Variants in CHD2 observed in about 807,000 individuals in gnomAD.
CHD2 encodes ATP-dependent chromatin remodeler CHD2.
A neutral mutation model predicts 243.9 loss-of-function variants in CHD2; 28 were observed. The ratio of observed to expected loss-of-function variants is 0.11; its 90% CI spans 0.09 to 0.16. The LOEUF (loss-of-function observed/expected upper bound fraction) is 0.16, where lower values mean the gene tolerates loss of function less well. CHD2 is among the 10% of genes least tolerant of loss of function. The pLI is 1.00. For synonymous variants in CHD2, 775 were observed against 779.0 expected (o/e 0.99, Z 0.09); for missense variants, 1,386 against 2,209.8 (o/e 0.63, Z 7.47).
chr15:92,973,821 A>T (rs1418161499), intron 19 of CHD2, among the ~76,000 whole-genome samples: 1 of 152,202 alleles, frequency 6.6e-6, no homozygotes, highest in Non-Finnish European at 1.5e-5. Flanking sequence ...CCCTCTACTA[A>T]TGGGAATATT....
intron 3 of CHD2, 116 bp from the exon 4 acceptor site, chr15:92,927,128 G>A (rs879611523): frequency 9.4e-6 from 7 of 743,680 alleles, no homozygotes; most frequent in South Asian, 1.8e-5. Flanking sequence ...AATAGAACTA[G>A]CAAAACAACC....
intron 15 of CHD2, among the ~76,000 whole-genome samples, 197 bp downstream of exon 15, chr15:92,955,709 C>A (rs909846442): frequency 1.3e-5 from 2 of 152,026 alleles, no homozygotes; most frequent in Non-Finnish European, 2.9e-5. Context: ...AAATGAACAA[C>A]CAGAAAAATT....
chr15:93,019,436 T>G (rs919250807), intron 37 of CHD2, among the ~76,000 whole-genome samples: 5 of 152,304 alleles, frequency 3.3e-5, no homozygotes, highest in African/African-American at 1.2e-4. Context: ...AAATTTTGCC[T>G]TAAAATTTTG....
At chr15:93,021,067 G>A (rs1567167412) in intron 38 of CHD2, 1 of 152,184 alleles carries the variant, frequency 6.6e-6, no homozygotes, top group African/African-American at 2.4e-5. Flanking sequence ...TCTATTTGAT[G>A]TCACTTTCCT....
chr15:93,024,302 T>C, intron 38 of CHD2, 70 bp from the exon 39 acceptor site: 1 of 1,373,334 alleles, frequency 7.3e-7, no homozygotes, highest in Non-Finnish European at 1.0e-6. Context: ...AAGAGCCAAG[T>C]GGGTAGTGAA....
chr15:92,986,730 G>T (rs2054047968), intron 26 of CHD2, among the ~76,000 whole-genome samples: 1 of 152,048 alleles, frequency 6.6e-6, no homozygotes, highest in South Asian at 2.1e-4. Flanking sequence ...TATAGTTGTG[G>T]TTATTTTGGT....
chr15:92,946,299 T>A, intron 12 of CHD2, 83 bp downstream of exon 12: 1 of 1,109,578 alleles, frequency 9.0e-7, no homozygotes, highest in Non-Finnish European at 1.2e-6. Flanking sequence ...TGAGAAAATA[T>A]TACAAAATGA....
intron 5 of CHD2, among the ~76,000 whole-genome samples, chr15:92,936,234 G>C (rs1308125207): frequency 6.6e-6 from 1 of 152,164 alleles, no homozygotes; most frequent in Non-Finnish European, 1.5e-5. Flanking sequence ...CTTTCAATAA[G>C]CTTTCACCAT....
rs140718658 is a variant in CHD2 at position 93,018,761 on chromosome 15, T to TTGCATAGCCTTCTCCTA, written c.4907-1240_4907-1224dup. 3.1e-3 allele frequency among the ~76,000 whole-genome samples: 470 copies of TTGCATAGCCTTCTCCTA among 152,352 alleles called. 1 individual carries two copies. Among genetic ancestry groups the TTGCATAGCCTTCTCCTA allele is most frequent in the Middle Eastern group, 6.8e-3 (2 of 294 alleles). ...CTCACGCCGATTTCTGCCTCCATCT[T>TTGCATAGCCTTCTCCTA]TGCATAGCCTTCTCCTATGCATAGC... On this transcript the variant is annotated intron_variant, in intron 37 of 38. Coordinates refer to ENST00000394196, the MANE Select transcript of CHD2 (RefSeq NM_001271.4).
chr15:92,916,980 G>A (rs2052851046), intron 2 of CHD2, among the ~76,000 whole-genome samples: 1 of 152,186 alleles, frequency 6.6e-6, no homozygotes, highest in Non-Finnish European at 1.5e-5. Context: ...CAGAGGTTTA[G>A]TTATTTTTAA....
Position 93,020,204 on chromosome 15 carries a change from A to G in CHD2, c.5099A>G (p.Tyr1700Cys). The G allele has an allele frequency of 1.2e-6, 2 of 1,614,174 alleles. No homozygotes were observed. The highest frequency in any genetic ancestry group is 2.2e-5 in the South Asian group (2 of 91,076). The change falls in exon 38 of 39, where the codon TAT (tyrosine) becomes TGT (cysteine). Residue 1700 changes from tyrosine (Y) to cysteine (C), a missense_variant. By Grantham distance (194) the Tyr-to-Cys change is radical. This residue lies in a region of CHD2 where 347 missense variants were observed against 341.6 expected (regional missense o/e 1.02). Coordinates refer to ENST00000394196, the MANE Select transcript of CHD2 (RefSeq NM_001271.4). Reference protein sequence around the residue: ...RPNNMSRKRPYDQYSSDRDHR... With the variant: ...RPNNMSRKRPCDQYSSDRDHR... ...AACAACATGTCCAGAAAGAGGCCTT[A>G]TGACCAGTACAGCAGTGACCGAGAC... is the stretch of plus-strand genomic sequence containing the variant.
intron 5 of CHD2, among the ~76,000 whole-genome samples, chr15:92,931,486 C>T (rs1159110714): frequency 1.3e-5 from 2 of 152,124 alleles, no homozygotes; most frequent in South Asian, 4.2e-4. Context: ...CTCAAGTGAT[C>T]CTCCTACCTC....
chr15:92,969,550 A>G (rs1357448757), intron 17 of CHD2, among the ~76,000 whole-genome samples: 1 of 152,228 alleles, frequency 6.6e-6, no homozygotes, highest in Non-Finnish European at 1.5e-5. Flanking sequence ...GGCAAAGATG[A>G]GGAAATGGTA....
intron 16 of CHD2, among the ~76,000 whole-genome samples, chr15:92,964,974 T>G (rs2053737695): frequency 6.6e-6 from 1 of 152,208 alleles, no homozygotes; most frequent in African/African-American, 2.4e-5. Flanking sequence ...TGTGTGACTT[T>G]TAGCATACCA....
At chr15:92,905,172 A>G (rs2052597279) in intron 2 of CHD2, among the ~76,000 whole-genome samples, 1 of 152,222 alleles carries the variant, frequency 6.6e-6, no homozygotes. Context: ...AAGTGTTAAT[A>G]GCACTTGCTA....
intron 2 of CHD2, among the ~76,000 whole-genome samples, chr15:92,905,306 G>A (rs2052600141): frequency 6.6e-6 from 1 of 152,158 alleles, no homozygotes; most frequent in Admixed American, 6.5e-5. Flanking sequence ...TATGCTCACT[G>A]ATTTGCCTTG....
rs116036119 is a variant in CHD2 at position 92,930,048 on chromosome 15, C to T, written c.443+957C>T. ...AGTACTTAATTTTGCCCTGCTAGAG[C>T]GCATTCAGTTTTCATTTGTGTTTTG... On this transcript the variant is annotated intron_variant, in intron 5 of 38. Coordinates refer to ENST00000394196, the MANE Select transcript of CHD2 (RefSeq NM_001271.4). Among the ~76,000 whole-genome samples, 716 of 152,196 alleles carry T rather than the reference C, an allele frequency of 4.7e-3. 11 individuals carry two copies. Among genetic ancestry groups the T allele is most frequent in the African/African-American group, 0.016 (669 of 41,516 alleles).
In CHD2 at chr15:92,971,813, C is replaced by G. The variant is rs2053845998; in HGVS notation, c.2238C>G (p.Gly746=). 1.2e-6 allele frequency: 2 copies of G among 1,613,616 alleles called. No homozygotes were observed. The highest frequency in any genetic ancestry group is 1.1e-5 in the South Asian group (1 of 91,042). Residue 746 remains glycine (G), a synonymous_variant, in exon 18 of 39, where the codon GGC becomes GGG. Coordinates refer to ENST00000394196, the MANE Select transcript of CHD2 (RefSeq NM_001271.4). ...NYKALAKGTR[G]STSGFLNIVM... ...AGGCTCTTGCCAAAGGAACAAGAGG[C>G]AGCACATCTGGTTTTCTTAATATTG...
At chr15:93,001,887 C>A (rs1320033980) in intron 32 of CHD2, among the ~76,000 whole-genome samples, 2 of 152,162 alleles carry the variant, frequency 1.3e-5, no homozygotes, top group African/African-American at 2.4e-5. Context: ...TATATAATCT[C>A]TTTGGTACTC....
Sources: allele counts gnomAD v4.1 joint callset (sites outside exome capture counted in the v4.1 genomes callset), GRCh38; gene constraint gnomAD v4.1.1; regional missense constraint gnomAD v4.1.1; transcripts MANE v1.5; gene names NCBI Gene and HGNC (gene_info 2026-07-23, HGNC 2026-07-21).